ZNF215: variants seen among roughly 807,000 people sequenced by gnomAD.
ZNF215 encodes the protein zinc finger protein 215.
Under a neutral mutation model 27.2 loss-of-function variants are expected in ZNF215, and 24 were observed. The observed-to-expected ratio is 0.88, with a 90% confidence interval of 0.64 to 1.24. The LOEUF (loss-of-function observed/expected upper bound fraction) is 1.24, where lower values mean the gene tolerates loss of function less well. Ranked by LOEUF, ZNF215 falls within the 50% of genes most tolerant of loss-of-function variation. ZNF215 has a pLI of 0.00. For synonymous variants in ZNF215, 210 were observed against 204.0 expected, an observed-to-expected ratio of 1.03 and a Z score of -0.25; for missense variants, 675 against 605.7, an observed-to-expected ratio of 1.11 and a Z score of -1.20.
At position 6,955,751 on chromosome 11, in the gene ZNF215, A is replaced by T; in HGVS notation, c.774A>T (p.Glu258Asp). 6.2e-7 allele frequency: 1 copy of T among 1,606,728 alleles called. No individual in the cohort carries two copies. The change falls in exon 7 of 7, where the codon GAA (glutamate) becomes GAT (aspartate). Residue 258 changes from glutamate (E) to aspartate (D), a missense_variant. Coordinates refer to ENST00000278319, the MANE Select transcript of ZNF215 (RefSeq NM_013250.4). Reference sequence around the variant, plus strand: ...GAGTGATTATGACAAGGCTTACCGAAAGTGGACACCCTTCTTCAGATGCCT... The same window carrying T: ...GAGTGATTATGACAAGGCTTACCGATAGTGGACACCCTTCTTCAGATGCCT... ...SHGVIMTRLT[E>D]SGHPSSDAWK...
intron 6 of ZNF215, among the ~76,000 whole-genome samples, chr11:6,951,812 T>A (rs1193621148): frequency 1.3e-5 from 2 of 152,188 alleles, no homozygotes; most frequent in Non-Finnish European, 2.9e-5. Flanking sequence ...TCTAGTTCTT[T>A]TAATTGTGAT....
chr11:6,932,211 C>T lies in ZNF215; in HGVS notation c.-62C>T. 6.4e-7 allele frequency: 1 copy of T among 1,563,208 alleles called. No homozygotes were observed. Among genetic ancestry groups the T allele is most frequent in the Non-Finnish European group, 8.7e-7 (1 of 1,154,806 alleles). ...TAGTACACAGGTGCTTAGCTCAAGC[C>T]TGAGAATTACTGCAATCTAGTAAGG... On this transcript the variant is annotated 5_prime_UTR_variant, in exon 3 of 7. Transcript: ENST00000278319.
In ZNF215 at chr11:6,971,396, G is replaced by C. The variant is rs540497762; in HGVS notation, c.806-12733G>C. On this transcript the variant is annotated intron_variant, in intron 5 of 5. Transcript: ENST00000529903. The stretch of plus-strand genomic sequence containing the variant: ...TTTACATAGTTCTTTGGGCTAGCTT[G>C]TATTACAGTCTTTTTATTGCAGTTT... Among the ~76,000 whole-genome samples, 183 of 152,218 alleles carry C rather than the reference G, an allele frequency of 1.2e-3. 1 individual carries two copies. Among genetic ancestry groups the C allele is most frequent in the African/African-American group, 4.1e-3 (170 of 41,546 alleles).
At position 6,956,507 on chromosome 11, in the gene ZNF215, A is replaced by G. The variant is rs746499937; in HGVS notation, c.1530A>G (p.Lys510=). 5.0e-6 allele frequency: 8 copies of G among 1,598,424 alleles called. No homozygotes were observed. The South Asian group carries it at 9.1e-5, about 18-fold the overall frequency. ...NRSSNLVKHQ[K]LHTRDKS ...GTTCAAACCTTGTTAAACATCAAAA[A>G]CTGCATACTCGAGATAAGTCCTGAA... The change falls in exon 7 of 7, where the codon AAA becomes AAG. Residue 510 remains lysine, a synonymous_variant. Coordinates refer to ENST00000278319, the MANE Select transcript of ZNF215 (RefSeq NM_013250.4).
At chr11:6,964,693 T>C (rs897861474) in intron 5 of ZNF215, among the ~76,000 whole-genome samples, 1 of 151,792 alleles carries the variant, frequency 6.6e-6, no homozygotes, top group Non-Finnish European at 1.5e-5. Flanking sequence ...TCTTTTTTTT[T>C]TTTTATTTTT....
At chr11:6,951,521 A>G (rs1035834670) in intron 6 of ZNF215, among the ~76,000 whole-genome samples, 2 of 152,110 alleles carry the variant, frequency 1.3e-5, no homozygotes, top group African/African-American at 4.8e-5. Context: ...TTATTTGCAT[A>G]GAGGTGTTTG....
At chr11:6,962,071 G>A (rs149321135), downstream of ZNF215, among the ~76,000 whole-genome samples, 419 of 152,200 alleles carry the variant, frequency 2.8e-3, 1 homozygote, top group African/African-American at 9.7e-3. Context: ...TTAATATTAC[G>A]GGACTATTTT....
intron 5 of ZNF215, among the ~76,000 whole-genome samples, chr11:6,978,568 G>C (rs1850880958): frequency 6.6e-6 from 1 of 151,992 alleles, no homozygotes; most frequent in Admixed American, 6.6e-5. Flanking sequence ...TGAAAAATAT[G>C]GATTGATGGA....
At chr11:6,955,002 G>T (rs1850267829) in intron 6 of ZNF215, among the ~76,000 whole-genome samples, 2 of 152,162 alleles carry the variant, frequency 1.3e-5, no homozygotes, top group East Asian at 3.8e-4. Flanking sequence ...CGGAAATGAG[G>T]ACAGGTGAAA....
Position 6,956,997 on chromosome 11 carries a change from A to G in ZNF215, c.*466A>G. ...AATATAAGAGAATACTTCTAAGGAC[A>G]GAAATCTCTGAATCAATGGCTAAGA... On this transcript the variant is annotated 3_prime_UTR_variant, in exon 7 of 7. Transcript: ENST00000278319. 1 of 987,268 alleles carries G rather than the reference A, an allele frequency of 1.0e-6. No homozygotes were observed. The highest frequency in any genetic ancestry group is 1.2e-6 in the Non-Finnish European group (1 of 831,130). 61.2% of individuals were successfully genotyped at this position (987,268 alleles called of 1,614,324 possible). A position where few individuals can be genotyped will look rare whatever the true frequency, so the allele number is the denominator to read the frequency against.
intron 6 of ZNF215, among the ~76,000 whole-genome samples, chr11:6,947,694 G>C (rs1208558749): frequency 6.6e-6 from 1 of 152,156 alleles, no homozygotes; most frequent in African/African-American, 2.4e-5. Flanking sequence ...TTGGTTATCT[G>C]TTACTTTTAA....
rs1850366486 is a variant in ZNF215 at position 6,956,541 on chromosome 11, AAAT to A, written c.*11_*13del. On this transcript the variant is annotated 3_prime_UTR_variant, in exon 7 of 7. Transcript: ENST00000278319. ...TCGAGATAAGTCCTGAAAAAAGAAA[AAAT>A]GAAAGATTACCTTCAGTCAGAATGC... 2 of 1,548,910 alleles carry A rather than the reference AAAT, an allele frequency of 1.3e-6. No homozygotes were observed. The highest frequency in any genetic ancestry group is 2.2e-5 in the Admixed American group (1 of 46,300).
At chr11:6,984,031 A>ACC in intron 5 of ZNF215, 1 of 340,322 alleles carries the variant, frequency 2.9e-6, no homozygotes. Flanking sequence ...GGATATAAAA[A>ACC]TTAACATACT....
chr11:6,932,302 C>G lies in ZNF215; in HGVS notation c.30C>G (p.Ile10Met), dbSNP rs370798013. 3 of 1,614,044 alleles carry G rather than the reference C, an allele frequency of 1.9e-6. No homozygotes were observed. The highest frequency in any genetic ancestry group is 2.5e-6 in the Non-Finnish European group (3 of 1,180,014). ...AGCCTCTGAGCAAGTTGATGGCTAT[C>G]TCAAAACCTCGAAACCTGTCTCTAC... MQPLSKLMAISKPRNLSLRE... is the reference protein window; with the variant it reads MQPLSKLMAMSKPRNLSLRE... Residue 10 changes from isoleucine (I) to methionine (M), a missense_variant, in exon 3 of 7, where the codon ATC (isoleucine) becomes ATG (methionine). By Grantham distance (10) the Ile-to-Met change is conservative. Transcript: ENST00000278319.
intron 5 of ZNF215, among the ~76,000 whole-genome samples, chr11:6,967,912 G>A (rs1010875002): frequency 3.9e-5 from 6 of 152,032 alleles, no homozygotes; most frequent in Non-Finnish European, 8.8e-5. Flanking sequence ...AGGTTGTGAT[G>A]GTTTTAGGTC....
rs753098611 is a variant in ZNF215 at position 6,943,640 on chromosome 11, T to G, written c.711T>G (p.Phe237Leu). The G allele has an allele frequency of 1.6e-5, 26 of 1,610,884 alleles. No individual in the cohort carries two copies. The African/African-American group carries it at 3.3e-4, about 21-fold the overall frequency. ...MEKEIPRKTI[F>L]DMKSISGEES... ...AAGAAATACCAAGGAAGACTATTTT[T>G]GGTAAGAACCAGGTAGATATGAGGC... Residue 237 changes from phenylalanine to leucine, a missense_variant and splice_region_variant, in exon 6 of 7, where the codon TTT (phenylalanine) becomes TTG (leucine). Phe to Leu is a conservative substitution (Grantham distance 22). Transcript: ENST00000278319.
downstream of ZNF215, among the ~76,000 whole-genome samples, chr11:6,992,591 C>A (rs147568411): frequency 2.6e-5 from 4 of 152,336 alleles, no homozygotes; most frequent in Admixed American, 6.5e-5. Context: ...ACTGACAGAT[C>A]GTGCTGTGCC....
intron 5 of ZNF215, chr11:6,984,079 A>G (rs956287690): frequency 5.0e-6 from 2 of 396,738 alleles, no homozygotes; most frequent in African/African-American, 2.2e-5. Flanking sequence ...GTGGTAAAAT[A>G]TTTCAGGAAG....
chr11:6,987,329 A>T (rs1443852007), downstream of ZNF215, among the ~76,000 whole-genome samples: 1 of 152,176 alleles, frequency 6.6e-6, no homozygotes, highest in East Asian at 1.9e-4. Flanking sequence ...TTGGGTACAC[A>T]TGATCATAAA....
Sources: allele counts gnomAD v4.1 joint callset (sites outside exome capture counted in the v4.1 genomes callset), GRCh38; gene constraint gnomAD v4.1.1; transcripts MANE v1.5; gene names NCBI Gene and HGNC (gene_info 2026-07-23, HGNC 2026-07-21).